Variants in SOX5 observed in about 807,000 individuals in gnomAD.
SOX5 encodes transcription factor SOX-5.
In SOX5, 9 loss-of-function variants were observed where a neutral mutation model predicts 92.0. The observed-to-expected ratio is 0.10, with a 90% CI of 0.06 to 0.17. SOX5 has a LOEUF of 0.17. Ranked by LOEUF, SOX5 falls within the 10% of genes least tolerant of loss-of-function variation. SOX5 has a pLI of 1.00. For missense variants in SOX5, 642 were observed against 944.5 expected (o/e 0.68, Z 4.20); for synonymous variants, 344 against 336.3 (o/e 1.02, Z -0.25).
At chr12:23,624,892 A>G (rs1271312871) in intron 8 of SOX5, among the ~76,000 whole-genome samples, 2 of 152,242 alleles carry the variant, frequency 1.3e-5, no homozygotes, top group Non-Finnish European at 2.9e-5. Flanking sequence ...TAATTCTTAA[A>G]CATTTTGGCC....
At chr12:23,968,503 G>T (rs533525283) in intron 4 of SOX5, among the ~76,000 whole-genome samples, 2 of 152,196 alleles carry the variant, frequency 1.3e-5, no homozygotes, top group South Asian at 4.2e-4. Context: ...TTGTTATCAC[G>T]GGAGTGGGTT....
intron 8 of SOX5, among the ~76,000 whole-genome samples, chr12:23,608,302 T>A (rs935322195): frequency 6.6e-6 from 1 of 152,024 alleles, no homozygotes; most frequent in Non-Finnish European, 1.5e-5. Flanking sequence ...CTTTCCAGTC[T>A]TTCTATTGCT....
chr12:23,831,300 G>T (rs1034549301), intron 3 of SOX5, among the ~76,000 whole-genome samples: 3 of 151,830 alleles, frequency 2.0e-5, no homozygotes, highest in African/African-American at 7.3e-5. Flanking sequence ...GATAAATAAT[G>T]AACAATGGAT....
At chr12:23,836,156 T>C (rs1366625909) in intron 3 of SOX5, among the ~76,000 whole-genome samples, 2 of 151,934 alleles carry the variant, frequency 1.3e-5, no homozygotes, top group Non-Finnish European at 2.9e-5. Flanking sequence ...ATAGAAATTA[T>C]GTGTCACATA....
chr12:23,912,403 A>C (rs981336805), intron 1 of SOX5, among the ~76,000 whole-genome samples: 1 of 152,198 alleles, frequency 6.6e-6, no homozygotes, highest in Admixed American at 6.5e-5. Flanking sequence ...TGCTGTTAGG[A>C]ATGTAAAATA....
rs1262048922 is a variant in SOX5, at chr12:23,986,483, CAAT to C, written c.-1-90462_-1-90460del. Among the ~76,000 whole-genome samples, 3 of 152,078 alleles carry C rather than the reference CAAT, an allele frequency of 2.0e-5. No homozygotes were observed. In the East Asian group the frequency reaches 5.8e-4, roughly 29 times the overall value. On this transcript the variant is annotated intron_variant, in intron 4 of 4. Transcript: ENST00000446891. Reference sequence around the variant, plus strand: ...ATATCAAGTTAAGGTGATAATGTAGCAATAATAACAATTAGATTCATTACATGA... The same window carrying C: ...ATATCAAGTTAAGGTGATAATGTAGCAATAACAATTAGATTCATTACATGA...
At chr12:24,002,967 T>G (rs1951765247) in intron 4 of SOX5, among the ~76,000 whole-genome samples, 1 of 151,672 alleles carries the variant, frequency 6.6e-6, no homozygotes, top group African/African-American at 2.4e-5. Context: ...ATAGAAAGAG[T>G]TATAAGTGGA....
chr12:23,960,164 C>A (rs1180491444), intron 4 of SOX5, among the ~76,000 whole-genome samples: 2 of 152,056 alleles, frequency 1.3e-5, no homozygotes, highest in Non-Finnish European at 2.9e-5. Context: ...TCCAATCAAG[C>A]CAACATGCAT....
intron 1 of SOX5, among the ~76,000 whole-genome samples, chr12:24,501,439 A>G (rs527862319): frequency 1.3e-5 from 2 of 152,094 alleles, no homozygotes; most frequent in Admixed American, 1.3e-4. Context: ...TGTATATAAG[A>G]CTTTTAACAT....
intron 13 of SOX5, among the ~76,000 whole-genome samples, chr12:23,537,663 G>A (rs908789083): frequency 1.3e-5 from 2 of 151,856 alleles, no homozygotes; most frequent in South Asian, 4.2e-4. Context: ...AATTTAGCTG[G>A]GATTAAAAAA....
intron 6 of SOX5, among the ~76,000 whole-genome samples, chr12:23,704,702 A>C (rs1255342940): frequency 3.1e-5 from 4 of 131,024 alleles, no homozygotes; most frequent in Non-Finnish European, 6.7e-5. Context: ...ATATATATAT[A>C]TATATATATA....
At chr12:24,240,822 C>G (rs1594707028) in intron 3 of SOX5, among the ~76,000 whole-genome samples, 1 of 152,240 alleles carries the variant, frequency 6.6e-6, no homozygotes. Flanking sequence ...TTCCATACAG[C>G]CATTCTATTT....
At chr12:24,169,723 C>T (rs1309161493) in intron 4 of SOX5, among the ~76,000 whole-genome samples, 4 of 152,172 alleles carry the variant, frequency 2.6e-5, no homozygotes, top group Admixed American at 2.0e-4. Context: ...ATGCCACGTG[C>T]GATGCTGCAT....
chr12:23,761,972 T>G (rs1429680585), intron 3 of SOX5, among the ~76,000 whole-genome samples: 1 of 152,126 alleles, frequency 6.6e-6, no homozygotes, highest in Non-Finnish European at 1.5e-5. Context: ...TGCTATTTAT[T>G]AAGTTATGTA....
At chr12:24,535,234 C>T (rs962551343) in intron 1 of SOX5, among the ~76,000 whole-genome samples, 1 of 152,192 alleles carries the variant, frequency 6.6e-6, no homozygotes, top group Admixed American at 6.5e-5. Context: ...TGGAAGACCC[C>T]TTCTGCAAAA....
chr12:23,678,747 G>T (rs1774483147), intron 6 of SOX5, among the ~76,000 whole-genome samples: 1 of 49,208 alleles, frequency 2.0e-5, no homozygotes, highest in Non-Finnish European at 5.1e-5. Flanking sequence ...TAAAGAAACA[G>T]GGAAGCCTAA....
intron 4 of SOX5, among the ~76,000 whole-genome samples, chr12:23,998,632 A>G (rs915748707): frequency 2.6e-5 from 4 of 151,628 alleles, no homozygotes; most frequent in Non-Finnish European, 5.9e-5. Flanking sequence ...ATGAAACCCC[A>G]TCTCTACTAA....
chr12:24,309,292 C>G (rs1378407671), intron 2 of SOX5, among the ~76,000 whole-genome samples: 1 of 152,178 alleles, frequency 6.6e-6, no homozygotes, highest in Non-Finnish European at 1.5e-5. Context: ...TGTTAATTGT[C>G]AATTTGCATC....
intron 3 of SOX5, among the ~76,000 whole-genome samples, chr12:24,219,602 A>T (rs1179512381): frequency 6.6e-6 from 1 of 152,150 alleles, no homozygotes; most frequent in Non-Finnish European, 1.5e-5. Context: ...ATCCAATTTC[A>T]TGATCATAAG....
Sources: allele counts gnomAD v4.1 joint callset (sites outside exome capture counted in the v4.1 genomes callset), GRCh38; gene constraint gnomAD v4.1.1; transcripts MANE v1.5; gene names NCBI Gene and HGNC (gene_info 2026-07-23, HGNC 2026-07-21).